The following MAGI2 variants were observed in gnomAD, a reference collection of about 807,000 sequenced individuals.
MAGI2 encodes the protein membrane associated guanylate kinase, WW and PDZ domain containing 2, also known as membrane-associated guanylate kinase, WW and PDZ domain-containing protein 2.
MAGI2 carries 35 observed loss-of-function variants against 133.3 expected under a neutral mutation model. That is an observed-to-expected ratio of 0.26 (90% confidence interval 0.20 to 0.35). The LOEUF (loss-of-function observed/expected upper bound fraction) is 0.35. Ranked by LOEUF, MAGI2 falls within the 10% of genes least tolerant of loss-of-function variation. The probability of loss-of-function intolerance (pLI) is 1.00; values close to 1 mark genes in which losing one functional copy is unlikely to be tolerated. For missense variants in MAGI2, 1,636 were observed against 1,863.4 expected (o/e 0.88, Z 2.25); for synonymous variants, 729 against 710.6 (o/e 1.03, Z -0.41).
intron 5 of MAGI2, among the ~76,000 whole-genome samples, chr7:78,500,097 T>C (rs146768180): frequency 1.3e-5 from 2 of 152,292 alleles, no homozygotes; most frequent in East Asian, 3.9e-4. Flanking sequence ...TGCAAAACAT[T>C]GTGTTTCTCA....
At chr7:78,597,390 A>G (rs1200685169) in intron 3 of MAGI2, among the ~76,000 whole-genome samples, 2 of 150,910 alleles carry the variant, frequency 1.3e-5, no homozygotes, top group African/African-American at 4.9e-5. Flanking sequence ...GGGGGGTCTT[A>G]TAAATAATTT....
At chr7:79,049,734 C>T (rs919481376) in intron 1 of MAGI2, among the ~76,000 whole-genome samples, 1 of 151,516 alleles carries the variant, frequency 6.6e-6, no homozygotes, top group Non-Finnish European at 1.5e-5. Context: ...TTTATACATA[C>T]TAAATACACA....
At chr7:78,170,765 T>C (rs568694598) in intron 14 of MAGI2, 3 of 151,816 alleles carry the variant, frequency 2.0e-5, no homozygotes, top group Non-Finnish European at 4.4e-5. Context: ...ATCTAATAAA[T>C]AGCATATTCA....
At chr7:79,093,346 T>C (rs1562881650) in intron 1 of MAGI2, among the ~76,000 whole-genome samples, 2 of 152,052 alleles carry the variant, frequency 1.3e-5, no homozygotes, top group South Asian at 2.1e-4. Context: ...TTAGCATATA[T>C]ACAGGTATAC....
intron 20 of MAGI2, among the ~76,000 whole-genome samples, chr7:78,115,599 A>C (rs963137626): frequency 1.3e-5 from 2 of 152,182 alleles, no homozygotes; most frequent in Non-Finnish European, 2.9e-5. Context: ...ACAGTAGGTC[A>C]CTACATAATG....
At chr7:78,597,860 GT>G (rs79078368) in intron 3 of MAGI2, among the ~76,000 whole-genome samples, 97 of 110,238 alleles carry the variant, frequency 8.8e-4, no homozygotes, top group African/African-American at 2.3e-3. Flanking sequence ...CTGGCAAACT[GT>G]TTTTTTTTTT....
At chr7:78,978,897 T>C (rs928081393) in intron 2 of MAGI2, among the ~76,000 whole-genome samples, 3 of 151,766 alleles carry the variant, frequency 2.0e-5, no homozygotes, top group African/African-American at 7.3e-5. Context: ...ATGAAACCAC[T>C]ATACACATAT....
At chr7:78,813,803 A>AAAAC (rs1554578089) in intron 2 of MAGI2, among the ~76,000 whole-genome samples, 2 of 150,828 alleles carry the variant, frequency 1.3e-5, no homozygotes, top group African/African-American at 4.9e-5. Flanking sequence ...AAAAAAAAAA[A>AAAAC]ACACAAAAAG....
intron 1 of MAGI2, among the ~76,000 whole-genome samples, chr7:79,247,723 T>C (rs977792942): frequency 7.2e-5 from 11 of 152,216 alleles, no homozygotes; most frequent in African/African-American, 2.2e-4. Context: ...TGGGAGAAAG[T>C]TACAGTGTAC....
At chr7:79,056,732 T>G (rs1813180505) in intron 1 of MAGI2, among the ~76,000 whole-genome samples, 2 of 152,220 alleles carry the variant, frequency 1.3e-5, no homozygotes, top group Non-Finnish European at 2.9e-5. Flanking sequence ...ATGGTATATG[T>G]AATTATTATA....
intron 2 of MAGI2, among the ~76,000 whole-genome samples, chr7:78,928,853 C>T (rs1480004982): frequency 6.6e-6 from 1 of 151,926 alleles, no homozygotes; most frequent in Non-Finnish European, 1.5e-5. Context: ...AATATGATTC[C>T]TAAGCACAAT....
chr7:79,083,679 C>T (rs116610862), intron 1 of MAGI2, among the ~76,000 whole-genome samples: 5,066 of 151,692 alleles, frequency 0.033, 184 homozygotes, highest in African/African-American at 0.082. Context: ...GTAATAGCCT[C>T]AGAAAATAAC....
chr7:78,532,825 T>C (rs1584522602), intron 3 of MAGI2, among the ~76,000 whole-genome samples: 2 of 152,348 alleles, frequency 1.3e-5, no homozygotes, highest in East Asian at 3.9e-4. Context: ...TAGCATGTCT[T>C]ACTTAACCTG....
chr7:79,033,958 T>TA (rs35340066), intron 1 of MAGI2, among the ~76,000 whole-genome samples: 5 of 151,868 alleles, frequency 3.3e-5, no homozygotes, highest in Non-Finnish European at 5.9e-5. Flanking sequence ...ATTTTGTATT[T>TA]AAAAAAAATG....
At chr7:79,411,418 C>T (rs561774773) in intron 1 of MAGI2, 2 of 152,182 alleles carry the variant, frequency 1.3e-5, no homozygotes, top group East Asian at 1.9e-4. Flanking sequence ...AATGTGAAAA[C>T]AACGACAACA....
At chr7:78,484,527 CAACTT>C (rs1792766032) in intron 6 of MAGI2, 2 of 151,908 alleles carry the variant, frequency 1.3e-5, no homozygotes, top group Non-Finnish European at 2.9e-5. Flanking sequence ...AATTTAGAGA[CAACTT>C]AACAGGTTGA....
At chr7:79,078,013 C>A (rs1815691566) in intron 1 of MAGI2, among the ~76,000 whole-genome samples, 1 of 152,162 alleles carries the variant, frequency 6.6e-6, no homozygotes, top group Non-Finnish European at 1.5e-5. Context: ...ATTTACCCCA[C>A]AAGGAAGACT....
At chr7:78,251,233 C>A (rs574781268) in intron 10 of MAGI2, among the ~76,000 whole-genome samples, 1 of 152,298 alleles carries the variant, frequency 6.6e-6, no homozygotes, top group African/African-American at 2.4e-5. Flanking sequence ...ACAACTTTCT[C>A]AACCTGATAA....
chr7:79,025,193 C>G (rs999621540), intron 1 of MAGI2, among the ~76,000 whole-genome samples: 2 of 152,052 alleles, frequency 1.3e-5, no homozygotes, highest in East Asian at 1.9e-4. Flanking sequence ...GAGATCATAT[C>G]TTTTGCAGTA....
Sources: allele counts gnomAD v4.1 joint callset (sites outside exome capture counted in the v4.1 genomes callset), GRCh38; gene constraint gnomAD v4.1.1; transcripts MANE v1.5; gene names NCBI Gene and HGNC (gene_info 2026-07-23, HGNC 2026-07-21).